SH2D7: variants seen among roughly 807,000 people sequenced by gnomAD.
SH2D7 encodes the protein SH2 domain-containing protein 7.
Under a neutral mutation model 40.8 loss-of-function variants are expected in SH2D7, and 32 were observed. The observed-to-expected ratio is 0.78, with a 90% confidence interval of 0.59 to 1.05. SH2D7 has a LOEUF of 1.05. Ranked by LOEUF, SH2D7 falls within the 50% of genes least tolerant of loss-of-function variation. The pLI is 0.00. For missense variants in SH2D7, 559 were observed against 566.6 expected, an observed-to-expected ratio of 0.99 and a Z score of 0.14; for synonymous variants, 195 against 221.5, an observed-to-expected ratio of 0.88 and a Z score of 1.06.
chr15:78,100,210 C>T (rs533742611), intron 4 of SH2D7, among the ~76,000 whole-genome samples: 19 of 152,334 alleles, frequency 1.2e-4, no homozygotes, highest in African/African-American at 3.8e-4. Flanking sequence ...CTGTCTGGCA[C>T]ATAGTTGGTG....
At chr15:78,098,341 G>A in intron 3 of SH2D7, 43 bp from the exon 4 acceptor site, 2 of 1,600,698 alleles carry the variant, frequency 1.2e-6, no homozygotes, top group Non-Finnish European at 1.7e-6. Flanking sequence ...GAGACTGGCT[G>A]GGCATGTGTG....
intron 4 of SH2D7, 101 bp downstream of exon 4, chr15:78,098,697 C>T (rs570367330): frequency 5.1e-5 from 70 of 1,370,348 alleles, no homozygotes; most frequent in East Asian, 2.0e-4. Context: ...CCACTCCCTC[C>T]GGCTGTGGAG....
chr15:78,098,627 G>A (rs745764951), intron 4 of SH2D7, 31 bp downstream of exon 4: 5 of 1,600,232 alleles, frequency 3.1e-6, no homozygotes, highest in Non-Finnish European at 3.4e-6. Context: ...CCTAGAGTCA[G>A]GGTTGCCAGA....
At chr15:78,094,336 T>C (rs762602637) in intron 2 of SH2D7, 135 bp downstream of exon 2, 5 of 743,830 alleles carry the variant, frequency 6.7e-6, no homozygotes, top group Non-Finnish European at 8.9e-6. Flanking sequence ...CAATCATCCA[T>C]CACATGCTCA....
Position 78,103,365 on chromosome 15 carries a change from T to C in SH2D7, c.1306-100T>C, listed in dbSNP as rs2074029811. The C allele has an allele frequency of 1.1e-5, 16 of 1,396,290 alleles. No individual in the cohort carries two copies. The South Asian group carries it at 1.8e-4, about 16-fold the overall frequency. The allele number at this position is 1,396,290 out of a possible 1,614,324, so 86.5% of individuals were successfully genotyped here. On this transcript the variant is annotated intron_variant, in intron 5 of 5. Coordinates refer to ENST00000328828, the MANE Select transcript of SH2D7 (RefSeq NM_001101404.2). ...TCCAACCTGGCCTCATGTCCTAGGC[T>C]TGGGCCCCCAACCCAAGGTCAATGA...
Position 78,101,549 on chromosome 15 carries a change from GAC to G in SH2D7, c.1302_1303del (p.His434GlnfsTer3). The G allele has an allele frequency of 1.3e-6, 2 of 1,587,430 alleles. No homozygotes were observed. Among genetic ancestry groups the G allele is most frequent in the Non-Finnish European group, 8.6e-7 (1 of 1,168,010 alleles). On this transcript the variant is annotated frameshift_variant, in exon 5 of 6. Transcript: ENST00000328828. LOFTEE classifies it high-confidence loss of function. ...PATKSKETGR[T>X]HKPDKLRRLF... The stretch of plus-strand genomic sequence containing the variant: ...CAACCAAGAGCAAGGAGACTGGACG[GAC>G]ACACAAGGTGAGCTCCATGATGGGG...
chr15:78,103,579 G>A lies in SH2D7; in HGVS notation c.*64G>A, dbSNP rs191544095. 100 of 1,535,268 alleles carry A rather than the reference G, an allele frequency of 6.5e-5. No homozygotes were observed. The Admixed American group carries it at 7.7e-4, about 12-fold the overall frequency. ...TACCCAGGCCATGCCAGGGGTTATC[G>A]CAAAGGCCTCAGCTCACTTGAAGGC... On this transcript the variant is annotated 3_prime_UTR_variant, in exon 6 of 6. Coordinates refer to ENST00000328828, the MANE Select transcript of SH2D7 (RefSeq NM_001101404.2).
Position 78,092,769 on chromosome 15 carries a change from G to A in SH2D7, c.176+9G>A. The stretch of plus-strand genomic sequence containing the variant: ...GGATTCATCACCCGCAAGTAAGGCT[G>A]CTTCTACCCACAGGTCCCTCATAGC... On this transcript the variant is annotated intron_variant, in intron 1 of 5. Transcript: ENST00000328828. The A allele has an allele frequency of 2.5e-6, 4 of 1,603,598 alleles. No homozygotes were observed. Among genetic ancestry groups the A allele is most frequent in the Non-Finnish European group, 3.4e-6 (4 of 1,173,542 alleles).
rs2073983076 is a variant in SH2D7 at position 78,097,886 on chromosome 15, GC to G, written c.267-41del. ...TCAGACCCTGGGCCAAGGCTGGGCT[GC>G]CTGTGACCAGCAGCCCCAGACCACA... is the stretch of plus-strand genomic sequence containing the variant. On this transcript the variant is annotated intron_variant, in intron 2 of 5. Transcript: ENST00000328828. 4 of 1,600,562 alleles carry G rather than the reference GC, an allele frequency of 2.5e-6. No individual in the cohort carries two copies. In the East Asian group the frequency reaches 8.9e-5, roughly 36 times the overall value.
At chr15:78,092,435 A>C (rs1596338881), upstream of SH2D7, 3 of 834,440 alleles carry the variant, frequency 3.6e-6, no homozygotes, top group African/African-American at 1.7e-5. Flanking sequence ...AGAGGAGAGA[A>C]CCAGCCACCA....
At chr15:78,090,899 AG>A (rs942952670), upstream of SH2D7, among the ~76,000 whole-genome samples, 1 of 152,154 alleles carries the variant, frequency 6.6e-6, no homozygotes, top group African/African-American at 2.4e-5. Context: ...TCACACAGTG[AG>A]CACTCTCACT....
upstream of SH2D7, chr15:78,091,223 T>C (rs914536912): frequency 6.6e-6 from 1 of 152,148 alleles, no homozygotes; most frequent in Non-Finnish European, 1.5e-5. Context: ...TAGACAGAGA[T>C]AGTTATATAT....
chr15:78,095,865 CAG>C (rs1319407918), intron 2 of SH2D7, among the ~76,000 whole-genome samples: 6 of 152,156 alleles, frequency 3.9e-5, no homozygotes, highest in Non-Finnish European at 5.9e-5. Flanking sequence ...TTTTTGGAGA[CAG>C]AGTCTCGCTC....
intron 4 of SH2D7, among the ~76,000 whole-genome samples, chr15:78,099,353 C>T (rs1008561436): frequency 6.6e-6 from 1 of 152,066 alleles, no homozygotes; most frequent in Non-Finnish European, 1.5e-5. Context: ...CGCTCTGTTA[C>T]CCAGACTAGA....
In SH2D7 at chr15:78,101,525, A is replaced by C. The variant is rs760862599; in HGVS notation, c.1272A>C (p.Ala424=). 2.4e-5 allele frequency: 38 copies of C among 1,603,540 alleles called. No individual in the cohort carries two copies. In the Admixed American group the frequency reaches 6.6e-4, roughly 28 times the overall value. Residue 424 remains alanine, a synonymous_variant, in exon 5 of 6, where the codon GCA becomes GCC. Coordinates refer to ENST00000328828, the MANE Select transcript of SH2D7 (RefSeq NM_001101404.2). ...GGAACACCTATGAACAGATCCCAGC[A>C]ACCAAGAGCAAGGAGACTGGACGGA... The part of the protein sequence containing the change: ...EPGNTYEQIP[A]TKSKETGRTH...
At chr15:78,097,843 T>C in intron 2 of SH2D7, 86 bp from the exon 3 acceptor site, 12 of 1,531,158 alleles carry the variant, frequency 7.8e-6, no homozygotes, top group Non-Finnish European at 9.7e-6. Context: ...ACCCCTCACC[T>C]GCACCCAGGC....
chr15:78,094,004 C>A, intron 1 of SH2D7, 108 bp from the exon 2 acceptor site: 1 of 1,096,836 alleles, frequency 9.1e-7, no homozygotes, highest in Non-Finnish European at 1.3e-6. Context: ...GGTTGGAGGT[C>A]TGGAACCCAA....
chr15:78,098,339 C>T (rs1301768593), intron 3 of SH2D7, 45 bp from the exon 4 acceptor site: 2 of 1,599,286 alleles, frequency 1.3e-6, no homozygotes, highest in Admixed American at 1.7e-5. Flanking sequence ...TGGAGACTGG[C>T]TGGGCATGTG....
Position 78,098,630 on chromosome 15 carries a change from T to C in SH2D7, c.645+34T>C, listed in dbSNP as rs779766980. 3.8e-6 allele frequency: 6 copies of C among 1,597,712 alleles called. No homozygotes were observed. The East Asian group carries it at 1.4e-4, about 36-fold the overall frequency. ...CATTATGGGCCACCTAGAGTCAGGG[T>C]TGCCAGACCAGGGATGTGGGTGCCA... On this transcript the variant is annotated intron_variant, in intron 4 of 5. Coordinates refer to ENST00000328828, the MANE Select transcript of SH2D7 (RefSeq NM_001101404.2).
Sources: allele counts gnomAD v4.1 joint callset (sites outside exome capture counted in the v4.1 genomes callset), GRCh38; gene constraint gnomAD v4.1.1; transcripts MANE v1.5; gene names NCBI Gene and HGNC (gene_info 2026-07-23, HGNC 2026-07-21).